DYNC2I1: variants seen among roughly 807,000 people sequenced by gnomAD.
The protein encoded by DYNC2I1 is dynein 2 intermediate chain 1.
DYNC2I1 carries 89 observed loss-of-function variants against 133.4 expected under a neutral mutation model. The observed-to-expected ratio is 0.67, with a 90% CI of 0.56 to 0.80. The LOEUF (loss-of-function observed/expected upper bound fraction) is 0.80, where lower values mean the gene tolerates loss of function less well. Ranked by LOEUF, DYNC2I1 falls within the 30% of genes least tolerant of loss-of-function variation. DYNC2I1 has a pLI of 0.00. For missense variants in DYNC2I1, 1,291 were observed against 1,314.5 expected (o/e 0.98, Z 0.28); for synonymous variants, 504 against 484.3 (o/e 1.04, Z -0.54).
At chr7:158,913,231 A>G (rs1253318080) in intron 13 of DYNC2I1, 135 bp downstream of exon 13, 7 of 630,108 alleles carry the variant, frequency 1.1e-5, no homozygotes, top group Non-Finnish European at 1.8e-5. Flanking sequence ...TGACAATAGC[A>G]GTACCCAATT....
rs548790734 is a variant in DYNC2I1, at chr7:158,905,693, G to C, written c.1358-296G>C. On this transcript the variant is annotated intron_variant, in intron 10 of 24. Transcript: ENST00000407559. The stretch of plus-strand genomic sequence containing the variant: ...TCTTTGTTTTTTTTGCAGAATGGGC[G>C]GGATGGGGGCTTAGAACTGCATCTT... Among the ~76,000 whole-genome samples the C allele has an allele frequency of 2.9e-4, 44 of 152,200 alleles. No individual in the cohort carries two copies. The Middle Eastern group carries it at 0.01, about 35-fold the overall frequency.
chr7:158,880,331 G>A (rs1843874850), intron 5 of DYNC2I1, among the ~76,000 whole-genome samples: 1 of 152,174 alleles, frequency 6.6e-6, no homozygotes, highest in Non-Finnish European at 1.5e-5. Context: ...GAGGTCAGGA[G>A]TTCGAGACCA....
chr7:158,910,667 G>C (rs745952623), intron 11 of DYNC2I1, among the ~76,000 whole-genome samples: 2 of 150,368 alleles, frequency 1.3e-5, no homozygotes, highest in Non-Finnish European at 3.0e-5. Context: ...AGGGCAATTG[G>C]CTGTGTCAGG....
At chr7:158,936,760 A>G (rs1034688514) in intron 23 of DYNC2I1, among the ~76,000 whole-genome samples, 13 of 152,222 alleles carry the variant, frequency 8.5e-5, no homozygotes, top group Admixed American at 7.9e-4. Context: ...ACCCTGACAC[A>G]GGCAGGGAGA....
Position 158,930,444 on chromosome 7 carries a change from T to C in DYNC2I1, c.2486-11T>C. The C allele has an allele frequency of 6.2e-7, 1 of 1,610,332 alleles. No homozygotes were observed. Among genetic ancestry groups the C allele is most frequent in the Non-Finnish European group, 8.5e-7 (1 of 1,178,316 alleles). On this transcript the variant is annotated splice_polypyrimidine_tract_variant and intron_variant, in intron 20 of 24. Transcript: ENST00000407559. ...TGAAAGGTGCATTGATTTTGGTTCA[T>C]CTCTTTTTAGGTCTGATGCCTGGAG...
At chr7:158,909,717 G>C (rs1357312943) in intron 11 of DYNC2I1, among the ~76,000 whole-genome samples, 1 of 152,204 alleles carries the variant, frequency 6.6e-6, no homozygotes, top group East Asian at 1.9e-4. Context: ...GAAACATGGA[G>C]GCGATCCCTG....
chr7:158,848,032 T>A, the DYNC2I1 span, among the ~76,000 whole-genome samples: 56 of 152,318 alleles, frequency 3.7e-4, no homozygotes, highest in African/African-American at 1.2e-3. Flanking sequence ...ATGGACAGTA[T>A]CTTCAAATGC....
At position 158,922,515 on chromosome 7, in the gene DYNC2I1, C is replaced by T; in HGVS notation, c.2060C>T (p.Ser687Leu). The T allele has an allele frequency of 6.2e-7, 1 of 1,613,890 alleles. No individual in the cohort carries two copies. The highest frequency in any genetic ancestry group is 8.5e-7 in the Non-Finnish European group (1 of 1,179,864). The stretch of plus-strand genomic sequence containing the variant: ...TGTGTGTGGGATATTTGGCAGCCTT[C>T]AGGGCCACAGAAAGTTCTGATATGT... The part of the protein sequence containing the change: ...VLCVWDIWQP[S>L]GPQKVLICES... Residue 687 changes from serine (S) to leucine (L), a missense_variant, in exon 16 of 25, where the codon TCA (serine) becomes TTA (leucine). By Grantham distance (145) the Ser-to-Leu change is moderately radical. Coordinates refer to ENST00000407559, the MANE Select transcript of DYNC2I1 (RefSeq NM_018051.5).
At chr7:158,858,813 A>G (rs990179755) in intron 1 of DYNC2I1, among the ~76,000 whole-genome samples, 1 of 18,978 alleles carries the variant, frequency 5.3e-5, no homozygotes, top group African/African-American at 2.2e-4. Context: ...CCCTCCCCCC[A>G]CTTTCCTCTC....
chr7:158,924,079 C>T (rs1215479459), intron 17 of DYNC2I1, among the ~76,000 whole-genome samples: 6 of 152,180 alleles, frequency 3.9e-5, no homozygotes, highest in African/African-American at 2.4e-5. Context: ...GCCAGTCACC[C>T]TGAGGGCTGC....
At chr7:158,950,130 C>A (rs1032097876), downstream of DYNC2I1, among the ~76,000 whole-genome samples, 3 of 152,088 alleles carry the variant, frequency 2.0e-5, no homozygotes, top group African/African-American at 7.2e-5. Flanking sequence ...CTGGTGTGAT[C>A]TTGGCTCACT....
At chr7:158,856,822 C>A in intron 1 of DYNC2I1, 72 bp downstream of exon 1, 1 of 1,218,068 alleles carries the variant, frequency 8.2e-7, no homozygotes, top group Non-Finnish European at 1.0e-6. Context: ...GCTAGCAGCG[C>A]CGCCGCCGCC....
chr7:158,873,306 C>T (rs1273263845), intron 3 of DYNC2I1, among the ~76,000 whole-genome samples: 2 of 152,162 alleles, frequency 1.3e-5, no homozygotes, highest in African/African-American at 4.8e-5. Flanking sequence ...CAGGTAGTCA[C>T]TCTTAGAATC....
intron 15 of DYNC2I1, among the ~76,000 whole-genome samples, chr7:158,922,051 G>A (rs569441083): frequency 5.3e-5 from 8 of 152,300 alleles, no homozygotes; most frequent in African/African-American, 1.4e-4. Flanking sequence ...GCAGCCAGGC[G>A]CACTGCATTA....
intron 15 of DYNC2I1, 24 bp from the exon 16 acceptor site, chr7:158,922,353 T>G: frequency 6.2e-7 from 1 of 1,604,484 alleles, no homozygotes; most frequent in Non-Finnish European, 8.5e-7. Context: ...CGTTGAAATG[T>G]GAACATATTT....
intron 23 of DYNC2I1, among the ~76,000 whole-genome samples, 190 bp downstream of exon 23, chr7:158,934,739 A>G (rs1007608185): frequency 5.9e-5 from 9 of 152,136 alleles, no homozygotes; most frequent in African/African-American, 2.2e-4. Flanking sequence ...GCATGCCACT[A>G]TGCCTGGCTA....
intron 23 of DYNC2I1, among the ~76,000 whole-genome samples, chr7:158,935,258 T>C (rs539318693): frequency 3.1e-4 from 47 of 152,372 alleles, no homozygotes; most frequent in Admixed American, 8.5e-4. Context: ...AGCTGCTTGC[T>C]GTCTTCCCCT....
intron 4 of DYNC2I1, among the ~76,000 whole-genome samples, chr7:158,951,546 G>T (rs796509675): frequency 6.6e-6 from 1 of 152,264 alleles, no homozygotes; most frequent in East Asian, 1.9e-4. Flanking sequence ...CCACAGGAAG[G>T]TGCTGGAGCC....
intron 15 of DYNC2I1, among the ~76,000 whole-genome samples, chr7:158,920,179 A>G (rs1455853268): frequency 2.3e-3 from 197 of 86,826 alleles, no homozygotes; most frequent in Middle Eastern, 0.013. Flanking sequence ...GTACCACAGC[A>G]TGTGGCCTCC....
Sources: gnomAD v4.1 joint callset for allele counts (sites outside exome capture counted in the v4.1 genomes callset) on GRCh38, gnomAD v4.1.1 for gene constraint, MANE v1.5 for transcripts, NCBI Gene and HGNC (gene_info 2026-07-23, HGNC 2026-07-21) for gene names.